DEFB131A: variants seen among roughly 807,000 people sequenced by gnomAD.
DEFB131A encodes beta-defensin 131A.
Under a neutral mutation model 2.4 loss-of-function variants are expected in DEFB131A, and 5 were observed. The ratio of observed to expected loss-of-function variants is 2.12; its 90% CI spans 1.11 to 4.47. DEFB131A has a LOEUF of 4.47. Among genes scored for constraint, DEFB131A ranks in the 30% most tolerant of loss-of-function variants. The probability of loss-of-function intolerance (pLI) is 0.00; values close to 1 mark genes in which losing one functional copy is unlikely to be tolerated. For missense variants in DEFB131A, 120 were observed against 79.9 expected (o/e 1.50, Z -1.91); for synonymous variants, 34 against 25.7 (o/e 1.32, Z -0.97).
intron 1 of DEFB131A, among the ~76,000 whole-genome samples, chr4:9,445,325 C>T (rs1257855174): frequency 1.3e-5 from 2 of 151,948 alleles, no homozygotes; most frequent in South Asian, 2.1e-4. Flanking sequence ...GAATAAAACT[C>T]ATATGATATC....
chr4:9,446,461 T>C (rs1717507596), intron 1 of DEFB131A, among the ~76,000 whole-genome samples: 1 of 152,118 alleles, frequency 6.6e-6, no homozygotes, highest in Non-Finnish European at 1.5e-5. Context: ...TTTCCGATTT[T>C]ATTTATTTGG....
chr4:9,449,205 G>T (rs1361715089), intron 1 of DEFB131A, among the ~76,000 whole-genome samples: 2 of 149,962 alleles, frequency 1.3e-5, no homozygotes, highest in Admixed American at 1.3e-4. Context: ...TCAGTGGAAA[G>T]ATATCCTATG....
At chr4:9,446,674 C>G (rs1370293480) in intron 1 of DEFB131A, among the ~76,000 whole-genome samples, 1 of 151,984 alleles carries the variant, frequency 6.6e-6, no homozygotes, top group East Asian at 1.9e-4. Flanking sequence ...CCTTGAGGTG[C>G]ATAGTAGCTT....
chr4:9,448,544 G>A lies in DEFB131A; in HGVS notation c.59-1816G>A, dbSNP rs536881921. On this transcript the variant is annotated intron_variant, in intron 1 of 1. Transcript: ENST00000334879. ...CCGCTAGGTTAGCCAGGCTGGTCTC[G>A]AACTCCTGACCTCAGGTGATCCGCC... 7.4e-4 allele frequency among the ~76,000 whole-genome samples: 113 copies of A among 152,192 alleles called. 1 individual carries two copies. The highest frequency in any genetic ancestry group is 3.1e-3 in the Admixed American group (47 of 15,274).
intron 1 of DEFB131A, among the ~76,000 whole-genome samples, chr4:9,446,631 G>C (rs62410266): frequency 6.6e-6 from 1 of 151,820 alleles, no homozygotes; most frequent in Non-Finnish European, 1.5e-5. Context: ...CTTCTCCTAA[G>C]TTTGGATTTC....
intron 1 of DEFB131A, 83 bp downstream of exon 1, chr4:9,444,674 A>T (rs1415902777): frequency 4.9e-6 from 7 of 1,428,846 alleles, no homozygotes; most frequent in Non-Finnish European, 6.7e-6. Context: ...CTGAAAATAA[A>T]ATAGGCATGG....
At chr4:9,449,670 A>G (rs1219614668) in intron 1 of DEFB131A, among the ~76,000 whole-genome samples, 1 of 151,962 alleles carries the variant, frequency 6.6e-6, no homozygotes, top group African/African-American at 2.4e-5. Flanking sequence ...TAACAAAAGG[A>G]TTTGGGAAGG....
chr4:9,444,462 G>A lies in DEFB131A; in HGVS notation c.-72G>A. On this transcript the variant is annotated 5_prime_UTR_variant, in exon 1 of 2. Transcript: ENST00000334879. ...TCACTCAACAACTCACCTCTTCAGA[G>A]AACTGAATGTACACAGAAGTCCTCT... The A allele has an allele frequency of 6.4e-7, 1 of 1,555,196 alleles. No homozygotes were observed. Among genetic ancestry groups the A allele is most frequent in the Non-Finnish European group, 8.8e-7 (1 of 1,138,940 alleles).
Position 9,450,298 on chromosome 4 carries a change from A to G in DEFB131A, c.59-62A>G, listed in dbSNP as rs1276137472. The G allele has an allele frequency of 1.1e-5, 15 of 1,377,002 alleles. No homozygotes were observed. In the East Asian group the frequency reaches 3.9e-4, roughly 36 times the overall value. 85.3% of individuals were successfully genotyped at this position (1,377,002 alleles called of 1,614,324 possible). ...TTTTTAATTTATTATAAAACATTTC[A>G]GACATTTAACAATAAAAAGTAAGTA... On this transcript the variant is annotated intron_variant, in intron 1 of 1. Transcript: ENST00000334879.
intron 1 of DEFB131A, among the ~76,000 whole-genome samples, chr4:9,447,508 G>C (rs1384553977): frequency 6.6e-6 from 1 of 152,196 alleles, no homozygotes; most frequent in Non-Finnish European, 1.5e-5. Context: ...AGTTCTGGAA[G>C]TTATAATTCT....
intron 1 of DEFB131A, among the ~76,000 whole-genome samples, chr4:9,448,653 A>G (rs1418608876): frequency 2.0e-5 from 3 of 152,158 alleles, no homozygotes; most frequent in Non-Finnish European, 2.9e-5. Context: ...AAAATACATA[A>G]TTTTCTTAGG....
At chr4:9,449,693 A>G (rs1717603968) in intron 1 of DEFB131A, among the ~76,000 whole-genome samples, 1 of 152,042 alleles carries the variant, frequency 6.6e-6, no homozygotes, top group South Asian at 2.1e-4. Context: ...TGGTAGGTTT[A>G]AAGGGAATAT....
chr4:9,447,311 C>G (rs1169097104), intron 1 of DEFB131A, among the ~76,000 whole-genome samples: 3 of 152,116 alleles, frequency 2.0e-5, no homozygotes, highest in African/African-American at 4.8e-5. Flanking sequence ...TTTATATCCT[C>G]TTGCTGAATT....
In DEFB131A at chr4:9,450,503, A is replaced by G. The variant is rs1717631046; in HGVS notation, c.202A>G (p.Lys68Glu). ...GAAGATCATTGAAATTGACGGACAA[A>G]AGAAGTGGTGAAAATTCTAACTCCA... ...KLKIIEIDGQ[K>E]KW The change falls in exon 2 of 2, where the codon AAG becomes GAG. Residue 68 changes from lysine (K) to glutamate (E), a missense_variant. Coordinates refer to ENST00000334879, the MANE Select transcript of DEFB131A (RefSeq NM_001040448.3). 8 of 1,609,508 alleles carry G rather than the reference A, an allele frequency of 5.0e-6. No homozygotes were observed. Among genetic ancestry groups the G allele is most frequent in the Non-Finnish European group, 5.9e-6 (7 of 1,178,768 alleles).
chr4:9,446,593 T>C (rs550865443), intron 1 of DEFB131A, among the ~76,000 whole-genome samples: 1 of 152,070 alleles, frequency 6.6e-6, no homozygotes, highest in Non-Finnish European at 1.5e-5. Flanking sequence ...ATTCACTTAG[T>C]CCTGCTCTGA....
chr4:9,450,283 A>C (rs1247467446), intron 1 of DEFB131A, 77 bp from the exon 2 acceptor site: 3 of 1,326,404 alleles, frequency 2.3e-6, no homozygotes. Flanking sequence ...TTTTTAATTT[A>C]TTATAAAACA....
intron 1 of DEFB131A, among the ~76,000 whole-genome samples, chr4:9,445,089 T>A (rs1024908714): frequency 6.6e-5 from 10 of 151,686 alleles, no homozygotes; most frequent in African/African-American, 2.4e-4. Flanking sequence ...CAAAAAATAA[T>A]AATAATAAAA....
At chr4:9,448,602 G>A (rs879666317) in intron 1 of DEFB131A, among the ~76,000 whole-genome samples, 3 of 152,176 alleles carry the variant, frequency 2.0e-5, no homozygotes, top group African/African-American at 4.8e-5. Context: ...AGGATTAAAG[G>A]TGCAGGCCAC....
chr4:9,448,797 CT>C (rs979243115), intron 1 of DEFB131A, among the ~76,000 whole-genome samples: 2 of 152,144 alleles, frequency 1.3e-5, no homozygotes, highest in Non-Finnish European at 2.9e-5. Flanking sequence ...TGTGCCCCTT[CT>C]TGCCACATTT....
Sources: allele counts gnomAD v4.1 joint callset (sites outside exome capture counted in the v4.1 genomes callset), GRCh38; gene constraint gnomAD v4.1.1; transcripts MANE v1.5; gene names NCBI Gene and HGNC (gene_info 2026-07-23, HGNC 2026-07-21).